The following TNRC6B variants were observed in gnomAD, a reference collection of about 807,000 sequenced individuals.
The protein encoded by TNRC6B is trinucleotide repeat-containing gene 6B protein.
A neutral mutation model predicts 203.6 loss-of-function variants in TNRC6B; 52 were observed. The observed-to-expected ratio is 0.26, with a 90% CI of 0.20 to 0.32. The LOEUF (loss-of-function observed/expected upper bound fraction) is 0.32, where lower values mean the gene tolerates loss of function less well. Ranked by LOEUF, TNRC6B falls within the 10% of genes least tolerant of loss-of-function variation. TNRC6B has a pLI of 1.00. For synonymous variants in TNRC6B, 838 were observed against 845.7 expected (o/e 0.99, Z 0.16); for missense variants, 1,923 against 2,286.2 (o/e 0.84, Z 3.24).
intron 1 of TNRC6B, among the ~76,000 whole-genome samples, chr22:40,223,186 G>A (rs2069738528): frequency 6.6e-6 from 1 of 151,976 alleles, no homozygotes; most frequent in Non-Finnish European, 1.5e-5. Context: ...TGTTGCCCAG[G>A]CTGGAGTGCA....
intron 1 of TNRC6B, among the ~76,000 whole-genome samples, chr22:40,098,437 A>C (rs2068204057): frequency 6.7e-6 from 1 of 149,458 alleles, no homozygotes; most frequent in Admixed American, 6.6e-5. Flanking sequence ...AGAGATGCAT[A>C]TTTCAGGTTT....
At chr22:40,130,626 A>C (rs903865672) in intron 3 of TNRC6B, among the ~76,000 whole-genome samples, 2 of 141,668 alleles carry the variant, frequency 1.4e-5, no homozygotes, top group Non-Finnish European at 3.1e-5. Context: ...CTAAAAATGC[A>C]AAAAAAAAAA....
intron 4 of TNRC6B, 33 bp downstream of exon 4, chr22:40,262,206 C>A (rs1339568715): frequency 7.4e-7 from 1 of 1,345,018 alleles, no homozygotes. Context: ...TGCATGGCAG[C>A]TTGACAGAGA....
chr22:40,181,683 G>A (rs866711069), intron 1 of TNRC6B, among the ~76,000 whole-genome samples: 26 of 152,268 alleles, frequency 1.7e-4, no homozygotes, highest in African/African-American at 5.1e-4. Context: ...GGTGGCTCAC[G>A]CCTGTGATCA....
At chr22:40,227,358 CTTTTTTTTTTTTTTT>C (rs71199278) in intron 1 of TNRC6B, among the ~76,000 whole-genome samples, 46 of 71,002 alleles carry the variant, frequency 6.5e-4, no homozygotes, top group African/African-American at 1.8e-3. Context: ...CTGAAATTAC[CTTTTTTTTTTTTTTT>C]TTTTTTTTTT....
intron 4 of TNRC6B, among the ~76,000 whole-genome samples, chr22:40,264,215 G>T (rs1470911680): frequency 6.6e-6 from 1 of 152,202 alleles, no homozygotes; most frequent in Admixed American, 6.5e-5. Context: ...AGAAAAGTTG[G>T]TTGGTCCCAG....
intron 4 of TNRC6B, among the ~76,000 whole-genome samples, chr22:40,163,501 G>A (rs930076445): frequency 8.1e-6 from 1 of 123,120 alleles, no homozygotes; most frequent in African/African-American, 3.2e-5. Flanking sequence ...GGTGGCTCAC[G>A]CCTGTAATCC....
At chr22:40,118,133 C>G (rs2068408094) in intron 2 of TNRC6B, among the ~76,000 whole-genome samples, 1 of 152,088 alleles carries the variant, frequency 6.6e-6, no homozygotes, top group South Asian at 2.1e-4. Flanking sequence ...TGATGAATTT[C>G]TCCCCAACCC....
At chr22:40,248,299 T>C (rs969023881) in intron 2 of TNRC6B, among the ~76,000 whole-genome samples, 1 of 152,160 alleles carries the variant, frequency 6.6e-6, no homozygotes, top group Non-Finnish European at 1.5e-5. Context: ...TAAACCTCAG[T>C]GAAAGTTTTC....
At chr22:40,192,547 A>G (rs1378432243) in intron 1 of TNRC6B, among the ~76,000 whole-genome samples, 1 of 152,020 alleles carries the variant, frequency 6.6e-6, no homozygotes, top group Non-Finnish European at 1.5e-5. Context: ...AATCCAGGAG[A>G]CGGAGGCTGC....
intron 11 of TNRC6B, 147 bp downstream of exon 11, chr22:40,281,436 C>A: frequency 1.7e-6 from 1 of 595,742 alleles, no homozygotes; most frequent in Non-Finnish European, 2.6e-6. Context: ...CTAGATCTTT[C>A]AGCCCATAGA....
At chr22:40,144,940 TA>T (rs1446342257) in intron 3 of TNRC6B, among the ~76,000 whole-genome samples, 1 of 151,598 alleles carries the variant, frequency 6.6e-6, no homozygotes, top group Non-Finnish European at 1.5e-5. Flanking sequence ...TATCTAAAAT[TA>T]ATCATTAAGG....
chr22:40,257,450 C>T (rs2070297636), intron 3 of TNRC6B, among the ~76,000 whole-genome samples: 2 of 152,238 alleles, frequency 1.3e-5, no homozygotes, highest in Admixed American at 1.3e-4. Context: ...GGCACGGTAG[C>T]TCATGCCTTT....
chr22:40,213,579 A>G (rs2069592981), intron 1 of TNRC6B, among the ~76,000 whole-genome samples: 1 of 152,186 alleles, frequency 6.6e-6, no homozygotes, highest in Admixed American at 6.5e-5. Context: ...TCTGTAGAAA[A>G]TGTATCAGAG....
At chr22:40,134,732 T>A (rs2146332641) in intron 3 of TNRC6B, among the ~76,000 whole-genome samples, 1 of 152,230 alleles carries the variant, frequency 6.6e-6, no homozygotes, top group South Asian at 2.1e-4. Flanking sequence ...TAATAATGTA[T>A]CAATATTGGT....
chr22:40,170,741 C>A lies in TNRC6B; in HGVS notation c.113+14559C>A, dbSNP rs9607690. Among the ~76,000 whole-genome samples the A allele has an allele frequency of 1.3e-3, 163 of 127,190 alleles. 1 individual carries two copies. Among genetic ancestry groups the A allele is most frequent in the Non-Finnish European group, 1.7e-3 (99 of 59,722 alleles). 83.4% of individuals were successfully genotyped at this position (127,190 alleles called of 152,430 possible). On this transcript the variant is annotated intron_variant, in intron 4 of 23. Transcript: ENST00000301923. The stretch of plus-strand genomic sequence containing the variant: ...AACATACATATATAGGTGTATATAT[C>A]TATATATGTACATATATGTGTGTAT...
At chr22:40,125,178 G>C (rs1007565829) in intron 2 of TNRC6B, among the ~76,000 whole-genome samples, 2 of 151,876 alleles carry the variant, frequency 1.3e-5, no homozygotes, top group African/African-American at 4.8e-5. Context: ...ACTTTTTACT[G>C]TCTTGCCCTA....
At chr22:40,236,492 C>T (rs1475294112) in intron 1 of TNRC6B, among the ~76,000 whole-genome samples, 1 of 152,038 alleles carries the variant, frequency 6.6e-6, no homozygotes. Flanking sequence ...GCATAGTTCC[C>T]GTGTTGGGTG....
chr22:40,103,903 A>G (rs1224604749), intron 1 of TNRC6B, among the ~76,000 whole-genome samples: 1 of 150,330 alleles, frequency 6.7e-6, no homozygotes, highest in Non-Finnish European at 1.5e-5. Context: ...TTGGCCTCCC[A>G]AAGTGCTGGG....
Sources: gnomAD v4.1 joint callset for allele counts (sites outside exome capture counted in the v4.1 genomes callset) on GRCh38, gnomAD v4.1.1 for gene constraint, MANE v1.5 for transcripts, NCBI Gene and HGNC (gene_info 2026-07-23, HGNC 2026-07-21) for gene names.